DIS3L: variants seen among roughly 807,000 people sequenced by gnomAD.
The protein encoded by DIS3L is DIS3-like exonuclease 1.
A neutral mutation model predicts 120.3 loss-of-function variants in DIS3L; 100 were observed. The observed-to-expected ratio is 0.83, with a 90% CI of 0.71 to 0.98. The LOEUF is 0.98. Ranked by LOEUF, DIS3L falls within the 50% of genes least tolerant of loss-of-function variation. DIS3L has a pLI of 0.00. For missense variants in DIS3L, 1,196 were observed against 1,314.2 expected, an observed-to-expected ratio of 0.91 and a Z score of 1.39; for synonymous variants, 426 against 470.6, an observed-to-expected ratio of 0.91 and a Z score of 1.23.
Position 66,333,251 on chromosome 15 carries a change from C to G in DIS3L, c.3104C>G (p.Thr1035Arg), listed in dbSNP as rs1361104292. ...CAAACAAAGGGAAGGAGCCTATACA[C>G]ACTTCTAGAGGAGATACGGGACCTA... is the stretch of plus-strand genomic sequence containing the variant. ...YRQTKGRSLY[T>R]LLEEIRDLAL... is the part of the protein sequence containing the mutation. The change falls in exon 17 of 17, where the codon ACA becomes AGA. Residue 1035 changes from threonine (T) to arginine (R), a missense_variant. Coordinates refer to ENST00000319212, the MANE Select transcript of DIS3L (RefSeq NM_001143688.3). 1 of 1,614,036 alleles carries G rather than the reference C, an allele frequency of 6.2e-7. No homozygotes were observed.
At position 66,333,261 on chromosome 15, in the gene DIS3L, G is replaced by A. The variant is rs2093022277; in HGVS notation, c.3114G>A (p.Glu1038=). 5 of 1,612,948 alleles carry A rather than the reference G, an allele frequency of 3.1e-6. No homozygotes were observed. Among genetic ancestry groups the A allele is most frequent in the Non-Finnish European group, 4.2e-6 (5 of 1,179,756 alleles). ...GAAGGAGCCTATACACACTTCTAGA[G>A]GAGATACGGGACCTAGCTCTCCTGG... ...TKGRSLYTLL[E]EIRDLALLDV... is the part of the protein sequence containing the mutation. Residue 1038 remains glutamate (E), a synonymous_variant, in exon 17 of 17, where the codon GAG becomes GAA. Transcript: ENST00000319212.
chr15:66,304,676 G>A (rs1324165925), intron 2 of DIS3L, among the ~76,000 whole-genome samples: 4 of 151,960 alleles, frequency 2.6e-5, no homozygotes, highest in African/African-American at 4.8e-5. Context: ...CGAGGCGGGT[G>A]GATCACCTGA....
chr15:66,329,113 T>G lies in DIS3L; in HGVS notation c.2345T>G (p.Phe782Cys). Reference sequence around the variant, plus strand: ...ACCGGATCCTGTGCGGAGGAGGAGTTCCATCATTACGGTGAATCATACCAT... The same window carrying G: ...ACCGGATCCTGTGCGGAGGAGGAGTGCCATCATTACGGTGAATCATACCAT... ...FSTGSCAEEE[F>C]HHYGLALDKY... The change falls in exon 13 of 17, where the codon TTC becomes TGC. Residue 782 changes from phenylalanine (F) to cysteine (C), a missense_variant. Physicochemically the swap from Phe to Cys is radical, Grantham distance 205 (BLOSUM62 -2). Transcript: ENST00000319212. 6.2e-7 allele frequency: 1 copy of G among 1,611,858 alleles called. No homozygotes were observed. Among genetic ancestry groups the G allele is most frequent in the Non-Finnish European group, 8.5e-7 (1 of 1,179,354 alleles).
intron 14 of DIS3L, chr15:66,329,775 G>T (rs1330329011): frequency 1.1e-6 from 1 of 942,282 alleles, no homozygotes; most frequent in African/African-American, 1.8e-5. Context: ...AGCCGGGTGT[G>T]ATGGCACGCG....
At chr15:66,311,984 A>G (rs2092767375) in intron 5 of DIS3L, 84 bp downstream of exon 5, 3 of 1,494,694 alleles carry the variant, frequency 2.0e-6, no homozygotes, top group Middle Eastern at 2.3e-4. Flanking sequence ...AGGCTGATAG[A>G]TTGCTTTAGC....
chr15:66,330,997 A>G (rs2092992693), intron 14 of DIS3L, among the ~76,000 whole-genome samples: 2 of 152,102 alleles, frequency 1.3e-5, no homozygotes, highest in African/African-American at 4.8e-5. Flanking sequence ...ACTACTAAAA[A>G]TACAAAAATT....
chr15:66,332,514 G>GTGTGTGTGTGTGTGTA (rs1436427790), intron 15 of DIS3L, among the ~76,000 whole-genome samples: 1 of 74,730 alleles, frequency 1.3e-5, no homozygotes, highest in African/African-American at 3.5e-5. Flanking sequence ...GTGTGTGTGT[G>GTGTGTGTGTGTGTGTA]TATATATATA....
intron 5 of DIS3L, 132 bp from the exon 6 acceptor site, chr15:66,313,907 C>A: frequency 1.8e-6 from 1 of 554,826 alleles, no homozygotes; most frequent in East Asian, 3.6e-5. Flanking sequence ...ATATATAGTT[C>A]CTAAAGGGAT....
Position 66,306,890 on chromosome 15 carries a change from AT to A in DIS3L, c.362del (p.Phe121SerfsTer43). ...ATGATTGCATTCTCTTTGCTAATGA[AT>A]TCCAGCAATGCTGCTATCTGCCACG... ...RHDCILFANE[F>X]QQCCYLPRER... On this transcript the variant is annotated frameshift_variant, in exon 3 of 17. Transcript: ENST00000319212. LOFTEE classifies it high-confidence loss of function. The A allele has an allele frequency of 1.2e-6, 2 of 1,614,212 alleles. No individual in the cohort carries two copies. The highest frequency in any genetic ancestry group is 1.7e-6 in the Non-Finnish European group (2 of 1,180,034).
intron 4 of DIS3L, among the ~76,000 whole-genome samples, chr15:66,309,157 T>C (rs773605095): frequency 2.2e-5 from 3 of 137,380 alleles, no homozygotes; most frequent in African/African-American, 5.3e-5. Flanking sequence ...GAGGCTGAGA[T>C]GGAAGAATCA....
intron 2 of DIS3L, among the ~76,000 whole-genome samples, chr15:66,305,782 C>G (rs768560734): frequency 6.6e-6 from 1 of 152,092 alleles, no homozygotes; most frequent in African/African-American, 2.4e-5. Flanking sequence ...CCTCCTTCCT[C>G]AGCCTCCCAA....
In DIS3L at chr15:66,326,270, C is replaced by A; in HGVS notation, c.2107C>A (p.Gln703Lys). The A allele has an allele frequency of 6.2e-7, 1 of 1,614,120 alleles. No individual in the cohort carries two copies. The highest frequency in any genetic ancestry group is 8.5e-7 in the Non-Finnish European group (1 of 1,180,024). Residue 703 changes from glutamine (Q) to lysine (K), a missense_variant, in exon 12 of 17, where the codon CAG becomes AAG. Coordinates refer to ENST00000319212, the MANE Select transcript of DIS3L (RefSeq NM_001143688.3). The part of the protein sequence containing the change: ...AKKIWESFPH[Q>K]ALLRQHPPPH... ...AAAGATCTGGGAGAGCTTCCCTCAT[C>A]AGGCCTTGCTGCGCCAGCACCCTCC...
chr15:66,307,248 C>T (rs921944842), intron 3 of DIS3L, among the ~76,000 whole-genome samples: 6 of 151,870 alleles, frequency 4.0e-5, no homozygotes, highest in Non-Finnish European at 5.9e-5. Context: ...AACTTTAATG[C>T]GTGTATGTAT....
chr15:66,323,643 C>G, intron 11 of DIS3L, 58 bp downstream of exon 11: 1 of 1,545,088 alleles, frequency 6.5e-7, no homozygotes, highest in East Asian at 2.2e-5. Flanking sequence ...GCTCCTGATG[C>G]TGCCTGCTTC....
At chr15:66,293,862 C>T in intron 1 of DIS3L, 127 bp downstream of exon 1, 2 of 913,116 alleles carry the variant, frequency 2.2e-6, no homozygotes, top group Non-Finnish European at 2.5e-6. Context: ...GCGGCCTGCG[C>T]CCGCTCGCCG....
In DIS3L at chr15:66,331,949, C is replaced by T. The variant is rs150002143; in HGVS notation, c.2610C>T (p.Thr870=). 2.2e-5 allele frequency: 36 copies of T among 1,613,292 alleles called. No homozygotes were observed. The African/African-American group carries it at 4.0e-4, about 18-fold the overall frequency. Residue 870 remains threonine (T), a synonymous_variant, in exon 15 of 17, where the codon ACC becomes ACT. Transcript: ENST00000319212. ...ACTTCAAAGACAAAGACCCTGCCAC[C>T]GAGGAGCGTTGCATATCTGACGGAG... ...CMYFKDKDPA[T]EERCISDGVI...
chr15:66,331,556 C>CA (rs34478583), intron 14 of DIS3L: 12,326 of 153,364 alleles, frequency 0.08, 521 homozygotes, highest in Middle Eastern at 0.15. Flanking sequence ...CTCCATATCT[C>CA]AAAAAAAAAA....
At chr15:66,297,510 C>T (rs1183947833) in intron 2 of DIS3L, among the ~76,000 whole-genome samples, 1 of 152,096 alleles carries the variant, frequency 6.6e-6, no homozygotes, top group African/African-American at 2.4e-5. Flanking sequence ...GTGGAAAGGC[C>T]AAATCAAGCT....
At position 66,320,720 on chromosome 15, in the gene DIS3L, C is replaced by T; in HGVS notation, c.1314C>T (p.Phe438=). 6.2e-7 allele frequency: 1 copy of T among 1,613,022 alleles called. No individual in the cohort carries two copies. Among genetic ancestry groups the T allele is most frequent in the Non-Finnish European group, 8.5e-7 (1 of 1,179,680 alleles). The change falls in exon 9 of 17, where the codon TTC becomes TTT. Residue 438 remains phenylalanine, a synonymous_variant. Coordinates refer to ENST00000319212, the MANE Select transcript of DIS3L (RefSeq NM_001143688.3). The stretch of plus-strand genomic sequence containing the variant: ...AAAACAGTATTTCAGTTATTCCTTT[C>T]TCAGAAGCTCAGGTCAGATTTTCCA... ...LVENSISVIP[F]SEAQMCEMPV... is the part of the protein sequence containing the mutation.
Sources: allele counts gnomAD v4.1 joint callset (sites outside exome capture counted in the v4.1 genomes callset), GRCh38; gene constraint gnomAD v4.1.1; transcripts MANE v1.5; gene names NCBI Gene and HGNC (gene_info 2026-07-23, HGNC 2026-07-21).